Variants in TNFAIP8 observed in about 807,000 individuals in gnomAD.
The protein encoded by TNFAIP8 is TNF alpha induced protein 8, also known as tumor necrosis factor alpha-induced protein 8.
A neutral mutation model predicts 13.3 loss-of-function variants in TNFAIP8; 7 were observed. The observed-to-expected ratio is 0.52, with a 90% CI of 0.30 to 0.99. The LOEUF is 0.99. TNFAIP8 is among the 50% of genes least tolerant of loss of function. The pLI, the probability that TNFAIP8 is intolerant of heterozygous loss-of-function variation, is 0.07. For missense variants in TNFAIP8, 258 were observed against 236.9 expected (o/e 1.09, Z -0.58); for synonymous variants, 94 against 87.6 (o/e 1.07, Z -0.41).
chr5:119,363,338 C>G (rs1247510609), intron 1 of TNFAIP8, among the ~76,000 whole-genome samples: 1 of 152,180 alleles, frequency 6.6e-6, no homozygotes, highest in Non-Finnish European at 1.5e-5. Context: ...AGCAGGTGAT[C>G]AAGGGCATGA....
At chr5:119,268,851 C>G (rs1748169462) in exon 1 of TNFAIP8, 1 of 703,710 alleles carries the variant, frequency 1.4e-6, no homozygotes, top group Admixed American at 2.0e-5. Context: ...AACTCGGCGC[C>G]GCCAAACAGC....
chr5:119,339,347 G>A (rs1750660256), intron 1 of TNFAIP8, among the ~76,000 whole-genome samples: 1 of 152,006 alleles, frequency 6.6e-6, no homozygotes, highest in South Asian at 2.1e-4. Context: ...AAGGGGGTAT[G>A]GGATTTCTGT....
chr5:119,283,034 A>T (rs1251823635), intron 1 of TNFAIP8, among the ~76,000 whole-genome samples: 2 of 152,218 alleles, frequency 1.3e-5, no homozygotes, highest in Non-Finnish European at 2.9e-5. Context: ...CATTTCATTT[A>T]TCTGCCTGGC....
intron 1 of TNFAIP8, among the ~76,000 whole-genome samples, chr5:119,335,444 A>G (rs920803959): frequency 6.6e-6 from 1 of 152,034 alleles, no homozygotes; most frequent in African/African-American, 2.4e-5. Context: ...AGTGCTTGGG[A>G]GGTTCTGCAG....
chr5:119,384,492 T>C (rs1752599230), intron 1 of TNFAIP8, among the ~76,000 whole-genome samples: 1 of 151,930 alleles, frequency 6.6e-6, no homozygotes, highest in African/African-American at 2.4e-5. Flanking sequence ...TAAAAAAACA[T>C]AAAAAATAAA....
At chr5:119,299,981 G>C (rs1315089847) in intron 1 of TNFAIP8, among the ~76,000 whole-genome samples, 1 of 152,218 alleles carries the variant, frequency 6.6e-6, no homozygotes, top group African/African-American at 2.4e-5. Context: ...TATTAGCGTG[G>C]GAGTGACCCG....
At chr5:119,355,338 C>A, upstream of TNFAIP8, 2 of 702,344 alleles carry the variant, frequency 2.8e-6, no homozygotes, top group South Asian at 1.5e-5. Context: ...TACCAGTGCT[C>A]GCCCGGGGCT....
At position 119,393,172 on chromosome 5, in the gene TNFAIP8, A is replaced by T. The variant is rs751372305; in HGVS notation, c.388A>T (p.Arg130Trp). ...TACCTTTGACCGGAATGTGTTATCC[A>T]GGCTGTTAAATGAATGCAGAGAGAT... The part of the protein sequence containing the change: ...DYTFDRNVLS[R>W]LLNECREMLH... The change falls in exon 2 of 2, where the codon AGG (arginine) becomes TGG (tryptophan). Residue 130 changes from arginine (R) to tryptophan (W), a missense_variant. By Grantham distance (101) the Arg-to-Trp change is moderately radical. Coordinates refer to ENST00000504771, the MANE Select transcript of TNFAIP8 (RefSeq NM_014350.4). The T allele has an allele frequency of 8.1e-6, 13 of 1,614,044 alleles. No homozygotes were observed. Among genetic ancestry groups the T allele is most frequent in the Non-Finnish European group, 1.1e-5 (13 of 1,179,888 alleles).
chr5:119,380,679 A>G (rs1580442753), intron 1 of TNFAIP8, among the ~76,000 whole-genome samples: 1 of 152,370 alleles, frequency 6.6e-6, no homozygotes, highest in South Asian at 2.1e-4. Flanking sequence ...TAGTTCACTA[A>G]GTTCAGTTTT....
intron 1 of TNFAIP8, among the ~76,000 whole-genome samples, chr5:119,331,081 C>T (rs796225361): frequency 1.1e-4 from 16 of 152,294 alleles, no homozygotes; most frequent in African/African-American, 3.9e-4. Flanking sequence ...TGGCTGCCTC[C>T]ACTCTCCTCC....
intron 1 of TNFAIP8, among the ~76,000 whole-genome samples, chr5:119,336,245 A>G (rs567052431): frequency 2.0e-5 from 3 of 152,336 alleles, no homozygotes; most frequent in Non-Finnish European, 2.9e-5. Flanking sequence ...GGCCAAAGAA[A>G]TCAAGGCAGG....
chr5:119,354,260 C>G (rs905355234), upstream of TNFAIP8: 4 of 152,188 alleles, frequency 2.6e-5, no homozygotes, highest in Admixed American at 2.0e-4. Context: ...GTTACCCTTT[C>G]GGTGGCGAGG....
chr5:119,341,481 C>G (rs1197543152), intron 1 of TNFAIP8, among the ~76,000 whole-genome samples: 1 of 152,204 alleles, frequency 6.6e-6, no homozygotes. Flanking sequence ...AGCTTACGAT[C>G]CTTGGGCTAT....
intron 1 of TNFAIP8, among the ~76,000 whole-genome samples, chr5:119,283,349 T>G (rs923211678): frequency 6.6e-6 from 1 of 152,204 alleles, no homozygotes; most frequent in Non-Finnish European, 1.5e-5. Flanking sequence ...CAAGGAGTGA[T>G]AGGCTAGGCA....
intron 1 of TNFAIP8, among the ~76,000 whole-genome samples, chr5:119,326,862 T>C (rs1750241091): frequency 6.6e-6 from 1 of 152,112 alleles, no homozygotes; most frequent in African/African-American, 2.4e-5. Flanking sequence ...AGATGAGATA[T>C]GGAGCCCTAG....
At chr5:119,314,753 G>A (rs1438309543) in intron 1 of TNFAIP8, among the ~76,000 whole-genome samples, 1 of 152,194 alleles carries the variant, frequency 6.6e-6, no homozygotes, top group African/African-American at 2.4e-5. Context: ...GACTGCATAA[G>A]CCTCAATTAC....
At chr5:119,294,344 A>T (rs1284894922) in intron 1 of TNFAIP8, among the ~76,000 whole-genome samples, 1 of 151,846 alleles carries the variant, frequency 6.6e-6, no homozygotes, top group Non-Finnish European at 1.5e-5. Context: ...ATGATTTCCA[A>T]TTTCATCCAT....
chr5:119,380,950 A>G (rs111565610), intron 1 of TNFAIP8, among the ~76,000 whole-genome samples: 36 of 152,366 alleles, frequency 2.4e-4, no homozygotes, highest in African/African-American at 8.7e-4. Flanking sequence ...AAATCTGTCC[A>G]TAATCTACTC....
intron 1 of TNFAIP8, among the ~76,000 whole-genome samples, chr5:119,312,637 G>C (rs982054494): frequency 6.6e-6 from 1 of 150,690 alleles, no homozygotes; most frequent in Non-Finnish European, 1.5e-5. Flanking sequence ...GGTGGCTCAC[G>C]TGTGAAATCC....
Sources: gnomAD v4.1 joint callset for allele counts (sites outside exome capture counted in the v4.1 genomes callset) on GRCh38, gnomAD v4.1.1 for gene constraint, MANE v1.5 for transcripts, NCBI Gene and HGNC (gene_info 2026-07-23, HGNC 2026-07-21) for gene names.